Variants in ROBO1 observed in about 807,000 individuals in gnomAD.
The protein encoded by ROBO1 is roundabout homolog 1.
In ROBO1, 149 loss-of-function variants were observed where a neutral mutation model predicts 195.9. The ratio of observed to expected loss-of-function variants is 0.76; its 90% CI spans 0.67 to 0.87. The LOEUF (loss-of-function observed/expected upper bound fraction) is 0.87. Ranked by LOEUF, ROBO1 falls within the 40% of genes least tolerant of loss-of-function variation. ROBO1 has a pLI of 0.00. For synonymous variants in ROBO1, 816 were observed against 733.2 expected (o/e 1.11, Z -1.82); for missense variants, 1,933 against 2,068.3 (o/e 0.93, Z 1.27).
intron 2 of ROBO1, among the ~76,000 whole-genome samples, chr3:79,139,687 G>A (rs1224677755): frequency 6.6e-6 from 1 of 152,214 alleles, no homozygotes; most frequent in East Asian, 1.9e-4. Context: ...TTGCTGCCTT[G>A]AACTTTATCT....
At chr3:79,677,123 C>T (rs1192059952) in intron 1 of ROBO1, among the ~76,000 whole-genome samples, 1 of 151,920 alleles carries the variant, frequency 6.6e-6, no homozygotes, top group Non-Finnish European at 1.5e-5. Context: ...TTGAGTGTGA[C>T]AAAGATTTGT....
intron 4 of ROBO1, among the ~76,000 whole-genome samples, chr3:78,844,954 T>C (rs1478989633): frequency 1.3e-5 from 2 of 152,078 alleles, no homozygotes; most frequent in African/African-American, 2.4e-5. Flanking sequence ...CATATGTCTA[T>C]AACTAAGGTA....
chr3:78,985,193 T>C (rs1357648399), intron 3 of ROBO1, among the ~76,000 whole-genome samples: 1 of 151,846 alleles, frequency 6.6e-6, no homozygotes, highest in Non-Finnish European at 1.5e-5. Flanking sequence ...CTAATAACTC[T>C]GGAGGCTGAG....
At chr3:79,608,084 G>A (rs1277429130) in intron 1 of ROBO1, among the ~76,000 whole-genome samples, 1 of 151,982 alleles carries the variant, frequency 6.6e-6, no homozygotes, top group Non-Finnish European at 1.5e-5. Context: ...AAATAAACAT[G>A]TTGTCAAGTA....
At position 78,901,473 on chromosome 3, in the gene ROBO1, C is replaced by A. The variant is rs183105249; in HGVS notation, c.499+37128G>T. Among the ~76,000 whole-genome samples, 35 of 152,206 alleles carry A rather than the reference C, an allele frequency of 2.3e-4. No homozygotes were observed. The East Asian group carries it at 6.8e-3, about 29-fold the overall frequency. The stretch of plus-strand genomic sequence containing the variant: ...AAATATAGTAAATATAAAAGAGGAG[C>A]AATGTACAATATTAAAACTTATCAC... On this transcript the variant is annotated intron_variant, in intron 4 of 30. Transcript: ENST00000464233.
intron 2 of ROBO1, among the ~76,000 whole-genome samples, chr3:79,538,421 C>T (rs929638438): frequency 2.7e-5 from 4 of 147,612 alleles, no homozygotes; most frequent in Non-Finnish European, 5.9e-5. Context: ...AATAAAATCC[C>T]CAGAGATTTT....
chr3:79,514,477 TA>T (rs2107552616), intron 2 of ROBO1, among the ~76,000 whole-genome samples: 1 of 152,266 alleles, frequency 6.6e-6, no homozygotes, highest in African/African-American at 2.4e-5. Context: ...TTTTTTCTTT[TA>T]AAACTTAAAA....
chr3:79,029,429 ATATT>A (rs1240415050), intron 3 of ROBO1, among the ~76,000 whole-genome samples: 4 of 152,156 alleles, frequency 2.6e-5, no homozygotes, highest in Non-Finnish European at 2.9e-5. Flanking sequence ...ATAATGGTGA[ATATT>A]TATCAGTTTA....
At chr3:78,612,932 T>G (rs1314224846) in intron 28 of ROBO1, among the ~76,000 whole-genome samples, 1 of 152,182 alleles carries the variant, frequency 6.6e-6, no homozygotes, top group African/African-American at 2.4e-5. Flanking sequence ...CTTTGGTATT[T>G]CTGAAATTAA....
chr3:79,582,146 A>T (rs1478046663), intron 2 of ROBO1, among the ~76,000 whole-genome samples: 1 of 151,770 alleles, frequency 6.6e-6, no homozygotes, highest in East Asian at 1.9e-4. Flanking sequence ...AAATCCTATA[A>T]CTATCATGCT....
At chr3:79,724,912 A>G (rs933048858) in intron 1 of ROBO1, among the ~76,000 whole-genome samples, 4 of 152,172 alleles carry the variant, frequency 2.6e-5, no homozygotes, top group Non-Finnish European at 5.9e-5. Context: ...ACAGTCCTGC[A>G]CTGAAGTGAT....
chr3:79,555,205 T>A (rs1212891627), intron 2 of ROBO1, among the ~76,000 whole-genome samples: 5 of 152,138 alleles, frequency 3.3e-5, no homozygotes, highest in Non-Finnish European at 7.4e-5. Context: ...TAAATTGGAC[T>A]ATATTTGAGA....
intron 2 of ROBO1, among the ~76,000 whole-genome samples, chr3:79,550,195 GGAAAAGAAAAGAAAA>G (rs58751236): frequency 0.011 from 1,106 of 100,816 alleles, 43 homozygotes; most frequent in African/African-American, 0.036. Flanking sequence ...AAGAAAGAAA[GGAAAAGAAAAGAAAA>G]GAAAAGAAAA....
intron 1 of ROBO1, among the ~76,000 whole-genome samples, chr3:79,656,900 G>A (rs1203399108): frequency 6.0e-5 from 9 of 149,674 alleles, no homozygotes; most frequent in South Asian, 2.1e-4. Flanking sequence ...TTGTCTCAAA[G>A]AAAAAAAATA....
chr3:79,412,825 T>G (rs2037828691), intron 2 of ROBO1, among the ~76,000 whole-genome samples: 1 of 149,900 alleles, frequency 6.7e-6, no homozygotes, highest in South Asian at 2.1e-4. Context: ...TGTTGGTATA[T>G]TCCATCTCTC....
intron 2 of ROBO1, among the ~76,000 whole-genome samples, chr3:79,522,367 G>A (rs932146434): frequency 1.4e-5 from 2 of 142,306 alleles, no homozygotes; most frequent in Non-Finnish European, 3.0e-5. Context: ...CTCTGCCTCT[G>A]TTCCTGCAAC....
chr3:79,166,560 CTTT>C (rs968334923), intron 2 of ROBO1, among the ~76,000 whole-genome samples: 1 of 135,100 alleles, frequency 7.4e-6, no homozygotes, highest in Non-Finnish European at 1.6e-5. Flanking sequence ...TTCTATTTTT[CTTT>C]TTTTTTTTTT....
chr3:78,847,534 A>C (rs1446456492), intron 4 of ROBO1, among the ~76,000 whole-genome samples: 1 of 152,186 alleles, frequency 6.6e-6, no homozygotes, highest in Non-Finnish European at 1.5e-5. Flanking sequence ...TGGGTGGAGC[A>C]CTTCTCCAAA....
At chr3:79,488,357 G>C (rs1164094625) in intron 2 of ROBO1, among the ~76,000 whole-genome samples, 1 of 152,002 alleles carries the variant, frequency 6.6e-6, no homozygotes, top group Non-Finnish European at 1.5e-5. Flanking sequence ...TACTTATAGA[G>C]CACTTTAATG....
Sources: allele counts gnomAD v4.1 joint callset (sites outside exome capture counted in the v4.1 genomes callset), GRCh38; gene constraint gnomAD v4.1.1; transcripts MANE v1.5; gene names NCBI Gene and HGNC (gene_info 2026-07-23, HGNC 2026-07-21).